The following NRG3 variants were observed in gnomAD, a reference collection of about 807,000 sequenced individuals.
The protein encoded by NRG3 is pro-neuregulin-3, membrane-bound isoform.
In NRG3, 31 loss-of-function variants were observed where a neutral mutation model predicts 66.9. The ratio of observed to expected loss-of-function variants is 0.46; its 90% CI spans 0.35 to 0.63. The LOEUF (loss-of-function observed/expected upper bound fraction) is 0.63, where lower values mean the gene tolerates loss of function less well. Among genes scored for constraint, NRG3 ranks in the 20% least tolerant of loss-of-function variants. The probability of loss-of-function intolerance (pLI) is 0.00; values close to 1 mark genes in which losing one functional copy is unlikely to be tolerated. For missense variants in NRG3, 910 were observed against 878.9 expected (o/e 1.04, Z -0.45); for synonymous variants, 393 against 359.4 (o/e 1.09, Z -1.06).
intron 2 of NRG3, among the ~76,000 whole-genome samples, chr10:82,653,705 A>T (rs2051616943): frequency 6.6e-6 from 1 of 151,946 alleles, no homozygotes; most frequent in South Asian, 2.1e-4. Context: ...CCAAGAGTGA[A>T]AGTAATAGGA....
chr10:82,037,073 A>G (rs10884069), intron 1 of NRG3, among the ~76,000 whole-genome samples: 144,168 of 152,226 alleles, frequency 0.95, 68,342 homozygotes, highest in Middle Eastern at 0.99. Context: ...TTCCAAGATG[A>G]CAGTGCCCCT....
intron 1 of NRG3, among the ~76,000 whole-genome samples, chr10:81,928,033 T>G (rs2132950402): frequency 6.6e-6 from 1 of 152,326 alleles, no homozygotes; most frequent in East Asian, 1.9e-4. Context: ...ACCAAATCAA[T>G]ACATCTTTAC....
chr10:82,217,181 T>C (rs1233832999), intron 1 of NRG3, among the ~76,000 whole-genome samples: 1 of 152,208 alleles, frequency 6.6e-6, no homozygotes, highest in Non-Finnish European at 1.5e-5. Flanking sequence ...TTTTACTCCA[T>C]GTGACAAGGT....
chr10:82,685,373 T>C (rs550334916), intron 2 of NRG3, among the ~76,000 whole-genome samples: 2 of 152,304 alleles, frequency 1.3e-5, no homozygotes, highest in Non-Finnish European at 2.9e-5. Context: ...GGTTTTCTCA[T>C]TGAGATCAAA....
At chr10:81,923,167 A>G (rs1169701313) in intron 1 of NRG3, among the ~76,000 whole-genome samples, 1 of 151,356 alleles carries the variant, frequency 6.6e-6, no homozygotes, top group Non-Finnish European at 1.5e-5. Flanking sequence ...TGAGATTAGA[A>G]TTTCACTTTA....
chr10:82,319,030 A>T (rs2135105673), intron 1 of NRG3, among the ~76,000 whole-genome samples: 1 of 152,348 alleles, frequency 6.6e-6, no homozygotes, highest in South Asian at 2.1e-4. Context: ...AATACACAGA[A>T]GTGTATATTG....
intron 1 of NRG3, among the ~76,000 whole-genome samples, chr10:82,039,834 A>C (rs1052040643): frequency 5.3e-5 from 8 of 152,110 alleles, no homozygotes. Context: ...CTCCTGACGC[A>C]TCACTGCCCA....
intron 2 of NRG3, among the ~76,000 whole-genome samples, chr10:82,389,692 A>G (rs2086226281): frequency 1.3e-5 from 2 of 152,238 alleles, no homozygotes. Flanking sequence ...TACAGGTAAT[A>G]TCCAATAAAT....
chr10:82,423,739 G>A lies in NRG3; in HGVS notation c.953+64871G>A, dbSNP rs79033699. ...ATATTCACATAGCAGTGCAATCACC[G>A]CCACTATTTAATTTTAGCATATTTT... On this transcript the variant is annotated intron_variant, in intron 2 of 8. Coordinates refer to ENST00000372141, the MANE Select transcript of NRG3 (RefSeq NM_001010848.4). Among the ~76,000 whole-genome samples the A allele has an allele frequency of 5.0e-3, 757 of 151,932 alleles. 11 individuals are homozygous for A. Among genetic ancestry groups the A allele is most frequent in the African/African-American group, 0.017 (705 of 41,498 alleles).
At chr10:82,731,708 T>A (rs1361120284) in intron 2 of NRG3, among the ~76,000 whole-genome samples, 2 of 152,250 alleles carry the variant, frequency 1.3e-5, no homozygotes, top group African/African-American at 2.4e-5. Flanking sequence ...ATTTCTGGGC[T>A]ATTGTGAATA....
rs199890517 is a variant in NRG3, at chr10:82,384,587, T to A, written c.953+25719T>A. Among the ~76,000 whole-genome samples the A allele has an allele frequency of 2.6e-5, 4 of 152,222 alleles. No homozygotes were observed. The East Asian group carries it at 7.7e-4, about 29-fold the overall frequency. ...GGGTAATGGCCTCCAGTTGCACACA[T>A]GTCCCTGCAGAGAAAATGATCTCAT... On this transcript the variant is annotated intron_variant, in intron 2 of 8. Coordinates refer to ENST00000372141, the MANE Select transcript of NRG3 (RefSeq NM_001010848.4).
chr10:82,487,965 A>C (rs1842819858), intron 2 of NRG3, among the ~76,000 whole-genome samples: 1 of 152,224 alleles, frequency 6.6e-6, no homozygotes, highest in African/African-American at 2.4e-5. Context: ...CAAGATTTTC[A>C]TGTGTGATAC....
At chr10:82,452,048 C>T (rs1369164153) in intron 2 of NRG3, among the ~76,000 whole-genome samples, 1 of 152,174 alleles carries the variant, frequency 6.6e-6, no homozygotes, top group African/African-American at 2.4e-5. Flanking sequence ...ATTGTTTTGT[C>T]TGCCAGACTG....
chr10:81,935,956 G>A (rs1847824936), intron 1 of NRG3, among the ~76,000 whole-genome samples: 1 of 149,922 alleles, frequency 6.7e-6, no homozygotes, highest in South Asian at 2.1e-4. Context: ...TAAAATGTCA[G>A]CTCTCTGGGG....
At chr10:82,835,597 C>A (rs1456836114) in intron 3 of NRG3, among the ~76,000 whole-genome samples, 2 of 152,096 alleles carry the variant, frequency 1.3e-5, no homozygotes, top group African/African-American at 4.8e-5. Context: ...TCATTTTCTT[C>A]TTTTACAAAG....
intron 2 of NRG3, among the ~76,000 whole-genome samples, chr10:82,469,480 G>A (rs1294603312): frequency 6.6e-6 from 1 of 152,148 alleles, no homozygotes. Flanking sequence ...TGGTGGTGGT[G>A]GTCATGGTGG....
chr10:82,771,593 AC>A (rs1272202211), intron 3 of NRG3, among the ~76,000 whole-genome samples: 1 of 152,116 alleles, frequency 6.6e-6, no homozygotes, highest in African/African-American at 2.4e-5. Flanking sequence ...AGAGGGAAAA[AC>A]ATTCTTACTG....
chr10:82,391,809 C>G lies in NRG3; in HGVS notation c.953+32941C>G, dbSNP rs149633078. ...TCTATACTACAGCAGTTGAAATAGA[C>G]CTTACATAATACACACCCTTTCTAG... On this transcript the variant is annotated intron_variant, in intron 2 of 8. Coordinates refer to ENST00000372141, the MANE Select transcript of NRG3 (RefSeq NM_001010848.4). 7.4e-3 allele frequency among the ~76,000 whole-genome samples: 1,119 copies of G among 151,964 alleles called. 45 individuals carry two copies. Among genetic ancestry groups the G allele is most frequent in the Admixed American group, 0.062 (950 of 15,246 alleles).
At chr10:82,095,953 T>A (rs1283838953) in intron 1 of NRG3, among the ~76,000 whole-genome samples, 1 of 152,050 alleles carries the variant, frequency 6.6e-6, no homozygotes, top group Non-Finnish European at 1.5e-5. Context: ...CAAATAAGTC[T>A]CATATGCAAA....
Sources: allele counts gnomAD v4.1 joint callset (sites outside exome capture counted in the v4.1 genomes callset), GRCh38; gene constraint gnomAD v4.1.1; transcripts MANE v1.5; gene names NCBI Gene and HGNC (gene_info 2026-07-23, HGNC 2026-07-21).